The following SOX5 variants were observed in gnomAD, a reference collection of about 807,000 sequenced individuals.
The protein encoded by SOX5 is SRY-box transcription factor 5.
In SOX5, 9 loss-of-function variants were observed where a neutral mutation model predicts 92.0. The observed-to-expected ratio is 0.10, with a 90% CI of 0.06 to 0.17. The LOEUF is 0.17. Among genes scored for constraint, SOX5 ranks in the 10% least tolerant of loss-of-function variants. The probability of loss-of-function intolerance (pLI) is 1.00; values close to 1 mark genes in which losing one functional copy is unlikely to be tolerated. For missense variants in SOX5, 642 were observed against 944.5 expected (o/e 0.68, Z 4.20); for synonymous variants, 344 against 336.3 (o/e 1.02, Z -0.25).
At chr12:23,766,521 A>T (rs1381174830) in intron 3 of SOX5, among the ~76,000 whole-genome samples, 1 of 152,184 alleles carries the variant, frequency 6.6e-6, no homozygotes, top group Non-Finnish European at 1.5e-5. Flanking sequence ...GACTTAAGGT[A>T]ATTCCTTGAT....
chr12:24,109,025 C>T (rs1947014913), intron 4 of SOX5, among the ~76,000 whole-genome samples: 1 of 152,020 alleles, frequency 6.6e-6, no homozygotes, highest in Admixed American at 6.5e-5. Flanking sequence ...CTCTTATTTC[C>T]AATGTTCTGA....
At chr12:24,330,034 AC>A (rs1432574418) in intron 2 of SOX5, among the ~76,000 whole-genome samples, 1 of 152,206 alleles carries the variant, frequency 6.6e-6, no homozygotes, top group African/African-American at 2.4e-5. Flanking sequence ...AAACAAACAA[AC>A]AAAAAGTATA....
intron 3 of SOX5, among the ~76,000 whole-genome samples, chr12:23,792,762 G>A (rs889648783): frequency 2.7e-5 from 4 of 148,188 alleles, no homozygotes; most frequent in Non-Finnish European, 5.9e-5. Context: ...AAACTGCTTT[G>A]ACCTCATCAT....
At chr12:23,818,485 G>A (rs1181231079) in intron 3 of SOX5, among the ~76,000 whole-genome samples, 1 of 152,174 alleles carries the variant, frequency 6.6e-6, no homozygotes, top group South Asian at 2.1e-4. Context: ...GTTGCTCTGG[G>A]TGAGTCAGTG....
intron 3 of SOX5, among the ~76,000 whole-genome samples, chr12:24,236,561 C>G (rs936657265): frequency 6.6e-6 from 1 of 152,202 alleles, no homozygotes; most frequent in Non-Finnish European, 1.5e-5. Context: ...CAGTCTTGGG[C>G]TGACTGATGT....
chr12:24,239,368 A>G (rs1965133892), intron 3 of SOX5, among the ~76,000 whole-genome samples: 1 of 152,218 alleles, frequency 6.6e-6, no homozygotes. Context: ...TGCCACAAAC[A>G]TATCAAATTT....
intron 4 of SOX5, among the ~76,000 whole-genome samples, chr12:23,971,733 C>A (rs1948365223): frequency 6.6e-6 from 1 of 151,860 alleles, no homozygotes; most frequent in Non-Finnish European, 1.5e-5. Context: ...GAACTAGAGT[C>A]CCTGTTCATT....
intron 9 of SOX5, among the ~76,000 whole-genome samples, chr12:23,584,311 T>C (rs984311756): frequency 1.3e-5 from 2 of 152,072 alleles, no homozygotes; most frequent in African/African-American, 4.8e-5. Context: ...ATGAAATACT[T>C]TGAAGGACTC....
intron 4 of SOX5, among the ~76,000 whole-genome samples, chr12:23,991,895 A>AT: frequency 6.6e-6 from 1 of 152,222 alleles, no homozygotes; most frequent in Admixed American, 6.5e-5. Context: ...TTTTAATACT[A>AT]TTTTTTGATA....
At chr12:23,895,404 AT>A (rs1358267776) in intron 2 of SOX5, among the ~76,000 whole-genome samples, 1 of 152,140 alleles carries the variant, frequency 6.6e-6, no homozygotes, top group Non-Finnish European at 1.5e-5. Context: ...CTGATTTATC[AT>A]GTTGGAAATG....
chr12:24,279,434 G>GA (rs951426756), intron 2 of SOX5, among the ~76,000 whole-genome samples: 10 of 151,996 alleles, frequency 6.6e-5, no homozygotes, highest in Non-Finnish European at 1.5e-4. Flanking sequence ...TCTTTTATCA[G>GA]AAAAGAGGTT....
chr12:23,686,846 A>G (rs770437233), intron 6 of SOX5, among the ~76,000 whole-genome samples: 20 of 152,216 alleles, frequency 1.3e-4, no homozygotes, highest in Admixed American at 1.0e-3. Flanking sequence ...AGGAGACAAC[A>G]ACAGTAAATA....
At chr12:23,913,534 G>A (rs186723511) in intron 1 of SOX5, among the ~76,000 whole-genome samples, 401 of 151,892 alleles carry the variant, frequency 2.6e-3, no homozygotes, top group African/African-American at 9.2e-3. Flanking sequence ...TCGGGAGTTC[G>A]AGACCAGCCT....
chr12:23,605,554 C>T (rs934007897), intron 8 of SOX5, among the ~76,000 whole-genome samples: 26 of 151,318 alleles, frequency 1.7e-4, no homozygotes, highest in Non-Finnish European at 3.2e-4. Context: ...CCATGGATAG[C>T]GTTTACAATG....
At chr12:24,538,598 A>AAC (rs60114784) in intron 1 of SOX5, among the ~76,000 whole-genome samples, 66,887 of 143,430 alleles carry the variant, frequency 0.47, 15,646 homozygotes, top group East Asian at 0.69. Flanking sequence ...GCTGGATCTA[A>AAC]ACACACACAC....
At chr12:24,340,131 C>T (rs1007442780) in intron 2 of SOX5, among the ~76,000 whole-genome samples, 10 of 152,238 alleles carry the variant, frequency 6.6e-5, no homozygotes, top group Non-Finnish European at 7.3e-5. Flanking sequence ...TTCAACAACT[C>T]GCTGGCACAT....
chr12:24,131,187 TTCTAA>T (rs1300046361), intron 4 of SOX5, among the ~76,000 whole-genome samples: 5 of 152,346 alleles, frequency 3.3e-5, no homozygotes, highest in Admixed American at 6.5e-5. Flanking sequence ...GCATAAAATG[TTCTAA>T]TCTTTGTGTT....
chr12:23,631,723 A>T (rs2078561833), intron 8 of SOX5, among the ~76,000 whole-genome samples: 1 of 152,166 alleles, frequency 6.6e-6, no homozygotes, highest in African/African-American at 2.4e-5. Flanking sequence ...AAAGTTTACC[A>T]TTTATTTAAT....
At chr12:24,543,989 A>G (rs1001639691) in intron 1 of SOX5, among the ~76,000 whole-genome samples, 2 of 152,184 alleles carry the variant, frequency 1.3e-5, no homozygotes, top group Non-Finnish European at 2.9e-5. Context: ...AGACATCTAT[A>G]TACTGGTTCC....
Sources: gnomAD v4.1 joint callset for allele counts (sites outside exome capture counted in the v4.1 genomes callset) on GRCh38, gnomAD v4.1.1 for gene constraint, MANE v1.5 for transcripts, NCBI Gene and HGNC (gene_info 2026-07-23, HGNC 2026-07-21) for gene names.